MPPED2: variants seen among roughly 807,000 people sequenced by gnomAD.
MPPED2 encodes the protein metallophosphoesterase domain containing 2.
Under a neutral mutation model 33.0 loss-of-function variants are expected in MPPED2, and 5 were observed. The observed-to-expected ratio is 0.15, with a 90% confidence interval of 0.08 to 0.32. MPPED2 has a LOEUF of 0.32. Among genes scored for constraint, MPPED2 ranks in the 10% least tolerant of loss-of-function variants. MPPED2 has a pLI of 1.00. For synonymous variants in MPPED2, 136 were observed against 141.9 expected (o/e 0.96, Z 0.29); for missense variants, 275 against 372.1 (o/e 0.74, Z 2.15).
At chr11:30,394,484 A>T (rs1947816473) in intron 6 of MPPED2, among the ~76,000 whole-genome samples, 1 of 152,032 alleles carries the variant, frequency 6.6e-6, no homozygotes, top group Non-Finnish European at 1.5e-5. Context: ...ATGTAATGTT[A>T]TCTCATTGTG....
intron 4 of MPPED2, among the ~76,000 whole-genome samples, chr11:30,467,496 T>C (rs1291922459): frequency 6.6e-6 from 1 of 152,044 alleles, no homozygotes; most frequent in Non-Finnish European, 1.5e-5. Flanking sequence ...AAGGGCCCAG[T>C]ACCTGATGGA....
chr11:30,466,651 G>A (rs1950718260), intron 4 of MPPED2, among the ~76,000 whole-genome samples: 1 of 152,360 alleles, frequency 6.6e-6, no homozygotes, highest in South Asian at 2.1e-4. Context: ...CATCAATACT[G>A]AAGGGGCAGT....
At chr11:30,514,186 T>C (rs1335517134) in intron 3 of MPPED2, among the ~76,000 whole-genome samples, 1 of 152,190 alleles carries the variant, frequency 6.6e-6, no homozygotes, top group Non-Finnish European at 1.5e-5. Flanking sequence ...CTTGATTAGT[T>C]AGTACATCTA....
chr11:30,566,721 A>T (rs1266330136), intron 2 of MPPED2, among the ~76,000 whole-genome samples: 1 of 152,216 alleles, frequency 6.6e-6, no homozygotes, highest in Non-Finnish European at 1.5e-5. Context: ...AGGTGTTGTG[A>T]ATACAGACAG....
intron 2 of MPPED2, among the ~76,000 whole-genome samples, chr11:30,562,798 C>G (rs1956289788): frequency 1.3e-5 from 2 of 152,116 alleles, no homozygotes; most frequent in South Asian, 2.1e-4. Context: ...ACAGTGAGTA[C>G]AGCACAAAAG....
At chr11:30,467,308 G>A (rs1364454719) in intron 4 of MPPED2, among the ~76,000 whole-genome samples, 4 of 152,132 alleles carry the variant, frequency 2.6e-5, no homozygotes, top group Admixed American at 2.0e-4. Context: ...AAAAGGGAGG[G>A]ATTGTCTGGA....
At chr11:30,465,398 C>A (rs751266810) in intron 4 of MPPED2, among the ~76,000 whole-genome samples, 19 of 152,228 alleles carry the variant, frequency 1.2e-4, no homozygotes, top group Non-Finnish European at 2.4e-4. Context: ...AGCAACCCTC[C>A]CAACTCAGCT....
At chr11:30,477,868 A>G (rs1951295096) in intron 4 of MPPED2, among the ~76,000 whole-genome samples, 1 of 152,052 alleles carries the variant, frequency 6.6e-6, no homozygotes, top group Non-Finnish European at 1.5e-5. Context: ...CTGCCCCTAC[A>G]TGCATGACTC....
At chr11:30,548,458 G>C (rs1345433220) in intron 2 of MPPED2, among the ~76,000 whole-genome samples, 2 of 152,094 alleles carry the variant, frequency 1.3e-5, no homozygotes, top group East Asian at 3.9e-4. Context: ...GGCCTCAAGT[G>C]ATTCTCCCAC....
intron 3 of MPPED2, among the ~76,000 whole-genome samples, chr11:30,526,914 T>A (rs1318660864): frequency 6.6e-6 from 1 of 151,946 alleles, no homozygotes; most frequent in Non-Finnish European, 1.5e-5. Flanking sequence ...TTTAATTTTT[T>A]ATTTTTTTGA....
In MPPED2 at chr11:30,572,868, TACATGGACAAA is replaced by T. The variant is rs1344878643; in HGVS notation, c.128+7367_128+7377del. 2.6e-5 allele frequency among the ~76,000 whole-genome samples: 4 copies of T among 152,284 alleles called. No individual in the cohort carries two copies. In the East Asian group the frequency reaches 7.7e-4, roughly 29 times the overall value. On this transcript the variant is annotated intron_variant, in intron 2 of 6. Transcript: ENST00000358117. ...GATGTGGGATTTGTGTTCTTAATTTTACATGGACAAATGTAAAGGTAAGGAATAGGAGAAAT... is the reference window on the plus strand; with the variant it reads ...GATGTGGGATTTGTGTTCTTAATTTTTGTAAAGGTAAGGAATAGGAGAAAT...
chr11:30,492,930 C>A (rs1952048959), intron 4 of MPPED2, among the ~76,000 whole-genome samples: 1 of 152,122 alleles, frequency 6.6e-6, no homozygotes, highest in Admixed American at 6.5e-5. Context: ...TAGTGCCCAT[C>A]TCCTAAAGGT....
intron 4 of MPPED2, among the ~76,000 whole-genome samples, chr11:30,473,433 T>G (rs902173296): frequency 7.2e-5 from 11 of 152,188 alleles, no homozygotes; most frequent in African/African-American, 2.7e-4. Flanking sequence ...GTCCATGATT[T>G]AAGGCTCTCA....
At chr11:30,546,653 T>C (rs1444842313) in intron 2 of MPPED2, among the ~76,000 whole-genome samples, 1 of 152,182 alleles carries the variant, frequency 6.6e-6, no homozygotes, top group Non-Finnish European at 1.5e-5. Context: ...TAATGGTCTG[T>C]ATTGTTTTTT....
rs548703856 is a variant in MPPED2, at chr11:30,497,639, G to A, written c.311-2118C>T. Among the ~76,000 whole-genome samples, 13 of 152,068 alleles carry A rather than the reference G, an allele frequency of 8.5e-5. No homozygotes were observed. The South Asian group carries it at 1.5e-3, about 17-fold the overall frequency. ...TTTAGGGCTCGGGTTCAGGGACAGCGTGGGTGAGACTAGCCACTATGGCAA... is the reference window on the plus strand; with the variant it reads ...TTTAGGGCTCGGGTTCAGGGACAGCATGGGTGAGACTAGCCACTATGGCAA... On this transcript the variant is annotated intron_variant, in intron 3 of 6. Coordinates refer to ENST00000358117, the MANE Select transcript of MPPED2 (RefSeq NM_001584.3).
intron 3 of MPPED2, among the ~76,000 whole-genome samples, chr11:30,520,025 GTACA>G (rs1953767305): frequency 6.6e-6 from 1 of 152,118 alleles, no homozygotes; most frequent in Non-Finnish European, 1.5e-5. Context: ...TCACAGGCAA[GTACA>G]GTCTCTTCAA....
chr11:30,423,595 G>T (rs1948707919), intron 4 of MPPED2, among the ~76,000 whole-genome samples: 3 of 152,158 alleles, frequency 2.0e-5, no homozygotes, highest in Admixed American at 2.0e-4. Flanking sequence ...TTAAGAGCAT[G>T]GATTATGGAG....
chr11:30,384,144 G>A (rs1422518136), downstream of MPPED2, among the ~76,000 whole-genome samples: 3 of 133,142 alleles, frequency 2.3e-5, no homozygotes, highest in Non-Finnish European at 5.1e-5. Flanking sequence ...TAGATATCAT[G>A]CTGATTACAA....
chr11:30,405,942 C>T (rs1390568963), downstream of MPPED2, among the ~76,000 whole-genome samples: 1 of 152,026 alleles, frequency 6.6e-6, no homozygotes, highest in Non-Finnish European at 1.5e-5. Context: ...CCAAGGCTAC[C>T]CAGCATGTCT....
Sources: allele counts gnomAD v4.1 joint callset (sites outside exome capture counted in the v4.1 genomes callset), GRCh38; gene constraint gnomAD v4.1.1; transcripts MANE v1.5; gene names NCBI Gene and HGNC (gene_info 2026-07-23, HGNC 2026-07-21).